The following MTMR9 variants were observed in gnomAD, a reference collection of about 807,000 sequenced individuals.
The protein encoded by MTMR9 is myotubularin-related protein 9.
In MTMR9, 39 loss-of-function variants were observed where a neutral mutation model predicts 69.5. The ratio of observed to expected loss-of-function variants is 0.56; its 90% CI spans 0.43 to 0.73. The LOEUF is 0.73. Among genes scored for constraint, MTMR9 ranks in the 30% least tolerant of loss-of-function variants. The pLI is 0.00. For synonymous variants in MTMR9, 354 were observed against 240.8 expected (o/e 1.47, Z -4.35); for missense variants, 900 against 671.2 (o/e 1.34, Z -3.77).
rs569451646 is a variant in MTMR9, at chr8:11,310,704, GT to G, written c.971+1023del. Among the ~76,000 whole-genome samples, 224 of 152,116 alleles carry G rather than the reference GT, an allele frequency of 1.5e-3. 1 individual carries two copies. The highest frequency in any genetic ancestry group is 4.9e-3 in the African/African-American group (203 of 41,482). ...CATAATGATTTTGTTAATACTGAGG[GT>G]TTTTTTCTTTTTAACCTAAGTTTAC... On this transcript the variant is annotated intron_variant, in intron 6 of 9. Transcript: ENST00000221086.
At position 11,312,435 on chromosome 8, in the gene MTMR9, C is replaced by G. The variant is rs1800241208; in HGVS notation, c.972-2488C>G. On this transcript the variant is annotated intron_variant, in intron 6 of 9. Coordinates refer to ENST00000221086, the MANE Select transcript of MTMR9 (RefSeq NM_015458.4). ...AGCCATAGCTCATTTTAACTTCAAA[C>G]TCCTGGCTTCAAGCAATCCTCCTGC... Among the ~76,000 whole-genome samples, 2 of 152,144 alleles carry G rather than the reference C, an allele frequency of 1.3e-5. 1 individual carries two copies. The highest frequency in any genetic ancestry group is 4.8e-5 in the African/African-American group (2 of 41,428).
chr8:11,337,529 G>T, the MTMR9 span, among the ~76,000 whole-genome samples: 2 of 152,154 alleles, frequency 1.3e-5, no homozygotes, highest in Non-Finnish European at 2.9e-5. Context: ...CTGTTCATCA[G>T]ATCCAATCAG....
intron 9 of MTMR9, chr8:11,321,663 A>AC: frequency 3.1e-6 from 1 of 324,618 alleles, no homozygotes. Context: ...ATTGAATAAG[A>AC]CTGCTCTTCG....
chr8:11,337,871 A>G, the MTMR9 span, among the ~76,000 whole-genome samples: 1 of 152,228 alleles, frequency 6.6e-6, no homozygotes, highest in Non-Finnish European at 1.5e-5. Context: ...TCTTCACAAG[A>G]TAGTACCTGT....
At chr8:11,316,462 C>T (rs1800419108) in intron 7 of MTMR9, 3 of 407,730 alleles carry the variant, frequency 7.4e-6, no homozygotes, top group Non-Finnish European at 1.3e-5. Flanking sequence ...CGCGCAGCCT[C>T]ATTAAGGATT....
In MTMR9 at chr8:11,326,236, A is replaced by T. The variant is rs968497726; in HGVS notation, c.*3448A>T. ...GGATAGCTGTTTGAATTGTCATTCTAAAGTAGGTCATCAGGTTCACTTATT... is the reference window on the plus strand; with the variant it reads ...GGATAGCTGTTTGAATTGTCATTCTTAAGTAGGTCATCAGGTTCACTTATT... On this transcript the variant is annotated 3_prime_UTR_variant, in exon 10 of 10. Coordinates refer to ENST00000221086, the MANE Select transcript of MTMR9 (RefSeq NM_015458.4). 2 of 142,628 alleles carry T rather than the reference A, an allele frequency of 1.4e-5. No homozygotes were observed. Among genetic ancestry groups the T allele is most frequent in the Non-Finnish European group, 3.1e-5 (2 of 63,936 alleles). 8.8% of individuals were successfully genotyped at this position (142,628 alleles called of 1,614,324 possible). A position where few individuals can be genotyped will look rare whatever the true frequency, so the allele number is the denominator to read the frequency against.
downstream of MTMR9, chr8:11,332,242 G>A: frequency 4.1e-6 from 5 of 1,209,612 alleles, no homozygotes; most frequent in Non-Finnish European, 2.3e-6. Context: ...AAGAGTGAAA[G>A]TCTAACTTCC....
At chr8:11,329,548 G>C (rs776670161), downstream of MTMR9, among the ~76,000 whole-genome samples, 3 of 152,238 alleles carry the variant, frequency 2.0e-5, no homozygotes, top group African/African-American at 7.2e-5. Flanking sequence ...GCTCCTAACC[G>C]CGAGTGATCC....
chr8:11,304,479 G>C (rs1799867244), intron 3 of MTMR9, among the ~76,000 whole-genome samples: 2 of 152,184 alleles, frequency 1.3e-5, no homozygotes, highest in African/African-American at 2.4e-5. Flanking sequence ...AGAACACTAA[G>C]GAGGATCAGC....
rs536865810 is a variant in MTMR9 at position 11,285,154 on chromosome 8, C to T, written c.182+84C>T. Reference sequence around the variant, plus strand: ...GGGAAATACTTCCTGGCGTTTTCCGCGCAGCCTGCCGCCCAGCTAGCCGGC... The same window carrying T: ...GGGAAATACTTCCTGGCGTTTTCCGTGCAGCCTGCCGCCCAGCTAGCCGGC... On this transcript the variant is annotated intron_variant, in intron 1 of 9. Coordinates refer to ENST00000221086, the MANE Select transcript of MTMR9 (RefSeq NM_015458.4). The T allele has an allele frequency of 1.8e-4, 234 of 1,324,294 alleles. 3 individuals are homozygous for T. In the South Asian group the frequency reaches 3.3e-3, roughly 19 times the overall value. 82.0% of individuals were successfully genotyped at this position (1,324,294 alleles called of 1,614,324 possible). A position where few individuals can be genotyped will look rare whatever the true frequency, so the allele number is the denominator to read the frequency against.
chr8:11,293,568 A>G (rs1014819139), intron 1 of MTMR9, among the ~76,000 whole-genome samples: 1 of 152,042 alleles, frequency 6.6e-6, no homozygotes, highest in African/African-American at 2.4e-5. Flanking sequence ...AACATGTCCA[A>G]TTTGTCAGTT....
chr8:11,301,291 G>A (rs972914570), intron 3 of MTMR9, among the ~76,000 whole-genome samples: 1 of 152,166 alleles, frequency 6.6e-6, no homozygotes, highest in African/African-American at 2.4e-5. Flanking sequence ...GTATGGTATT[G>A]CTGTAAGCGA....
chr8:11,338,138 G>C, the MTMR9 span, among the ~76,000 whole-genome samples: 1 of 152,212 alleles, frequency 6.6e-6, no homozygotes, highest in Non-Finnish European at 1.5e-5. Context: ...TAGCGTCCTG[G>C]CAAGGACATC....
downstream of MTMR9, among the ~76,000 whole-genome samples, chr8:11,333,132 A>G (rs939096499): frequency 9.9e-5 from 15 of 152,244 alleles, no homozygotes; most frequent in Admixed American, 2.6e-4. Flanking sequence ...GATGAAAGAC[A>G]TAAGTGTACA....
chr8:11,328,137 ATAAAT>A (rs967960440), exon 10 of MTMR9: 10 of 148,044 alleles, frequency 6.8e-5, no homozygotes, highest in African/African-American at 2.0e-4. Context: ...TTAAGTGCTA[ATAAAT>A]TAAATCTGTG....
intron 2 of MTMR9, chr8:11,298,926 G>A: frequency 1.1e-6 from 1 of 947,318 alleles, no homozygotes; most frequent in Non-Finnish European, 1.3e-6. Context: ...ATTTGAGAAT[G>A]GATCCCTGCA....
At chr8:11,320,962 A>G (rs1386435096) in intron 9 of MTMR9, 2 of 154,240 alleles carry the variant, frequency 1.3e-5, no homozygotes, top group African/African-American at 2.4e-5. Flanking sequence ...GTATTCTAGT[A>G]TGTTATACTC....
intron 6 of MTMR9, 21 bp from the exon 7 acceptor site, chr8:11,314,902 C>T (rs758258229): frequency 1.9e-6 from 3 of 1,611,544 alleles, no homozygotes; most frequent in Non-Finnish European, 2.5e-6. Flanking sequence ...CATTTGTACT[C>T]TTCCCTGATT....
chr8:11,288,407 G>A (rs976785021), intron 1 of MTMR9, among the ~76,000 whole-genome samples: 1 of 147,906 alleles, frequency 6.8e-6, no homozygotes, highest in Admixed American at 6.9e-5. Context: ...GGAAAGTAAC[G>A]GAAGATGAGA....
Sources: gnomAD v4.1 joint callset for allele counts (sites outside exome capture counted in the v4.1 genomes callset) on GRCh38, gnomAD v4.1.1 for gene constraint, MANE v1.5 for transcripts, NCBI Gene and HGNC (gene_info 2026-07-23, HGNC 2026-07-21) for gene names.